SYNPR: variants seen among roughly 807,000 people sequenced by gnomAD.
SYNPR encodes synaptoporin.
In SYNPR, 23 loss-of-function variants were observed where a neutral mutation model predicts 32.9. The observed-to-expected ratio is 0.70, with a 90% CI of 0.50 to 0.99. The LOEUF (loss-of-function observed/expected upper bound fraction) is 0.99, where lower values mean the gene tolerates loss of function less well. Ranked by LOEUF, SYNPR falls within the 50% of genes least tolerant of loss-of-function variation. SYNPR has a pLI of 0.00. For missense variants in SYNPR, 318 were observed against 349.3 expected, an observed-to-expected ratio of 0.91 and a Z score of 0.71; for synonymous variants, 146 against 135.9, an observed-to-expected ratio of 1.07 and a Z score of -0.52.
intron 3 of SYNPR, among the ~76,000 whole-genome samples, chr3:63,509,672 C>T (rs1355738614): frequency 1.3e-5 from 2 of 151,984 alleles, no homozygotes; most frequent in Non-Finnish European, 2.9e-5. Flanking sequence ...CTAATAAAAA[C>T]TAATACTAAT....
chr3:63,614,348 G>T (rs866964201), intron 5 of SYNPR, among the ~76,000 whole-genome samples: 1 of 152,128 alleles, frequency 6.6e-6, no homozygotes. Flanking sequence ...ACTTCTGTTC[G>T]GGCCTCATGC....
chr3:63,321,557 C>G (rs1452059012), intron 2 of SYNPR, among the ~76,000 whole-genome samples: 2 of 152,066 alleles, frequency 1.3e-5, no homozygotes, highest in Non-Finnish European at 2.9e-5. Context: ...TCAATATCCC[C>G]TGTAAATTGG....
chr3:63,350,795 G>A (rs1465123986), intron 2 of SYNPR, among the ~76,000 whole-genome samples: 4 of 152,170 alleles, frequency 2.6e-5, no homozygotes, highest in Non-Finnish European at 5.9e-5. Context: ...TAGCAAACTG[G>A]AGAACCCTTG....
chr3:63,267,390 G>T (rs1425875079), exon 3 of SYNPR: 1 of 152,288 alleles, frequency 6.6e-6, no homozygotes, highest in African/African-American at 2.4e-5. Context: ...ACTTCCAGCT[G>T]CAGAAGGAGT....
At chr3:63,240,618 C>CCTTGGT (rs1422143400) in intron 1 of SYNPR, among the ~76,000 whole-genome samples, 1 of 152,044 alleles carries the variant, frequency 6.6e-6, no homozygotes, top group Non-Finnish European at 1.5e-5. Context: ...GGGACTTATC[C>CCTTGGT]AAGAAGCTAT....
chr3:63,531,574 A>T (rs1702112884), intron 3 of SYNPR, among the ~76,000 whole-genome samples: 2 of 152,162 alleles, frequency 1.3e-5, no homozygotes, highest in African/African-American at 2.4e-5. Context: ...TCGCTTCCAT[A>T]TAAGGTCACA....
intron 2 of SYNPR, among the ~76,000 whole-genome samples, chr3:63,476,321 CAAGGGAAGG>C (rs200088621): frequency 4.0e-5 from 1 of 25,304 alleles, no homozygotes; most frequent in East Asian, 1.7e-3. Context: ...GGGAGGGAAG[CAAGGGAAGG>C]AAGGGAAGGA....
At chr3:63,274,633 G>A (rs1246912537), upstream of SYNPR, among the ~76,000 whole-genome samples, 2 of 152,190 alleles carry the variant, frequency 1.3e-5, no homozygotes, top group East Asian at 3.9e-4. Context: ...CAGGAAACTT[G>A]GCAAGCTGTT....
At chr3:63,207,727 T>C in the SYNPR span, among the ~76,000 whole-genome samples, 2 of 152,128 alleles carry the variant, frequency 1.3e-5, no homozygotes, top group Non-Finnish European at 2.9e-5. Flanking sequence ...CTTCTCGTCT[T>C]TCTAACCCCA....
At chr3:63,544,952 G>A (rs1306496368) in intron 3 of SYNPR, among the ~76,000 whole-genome samples, 1 of 151,152 alleles carries the variant, frequency 6.6e-6, no homozygotes, top group Non-Finnish European at 1.5e-5. Flanking sequence ...CTGAAGCTCA[G>A]AAACACATGA....
chr3:63,316,855 T>C (rs1019494209), intron 2 of SYNPR, among the ~76,000 whole-genome samples: 1 of 151,936 alleles, frequency 6.6e-6, no homozygotes, highest in Non-Finnish European at 1.5e-5. Context: ...CAATCTTTTT[T>C]ATATAGGTGC....
In SYNPR at chr3:63,286,794, A is replaced by ATC. The variant is rs550468654; in HGVS notation, c.84+8055_84+8056dup. On this transcript the variant is annotated intron_variant, in intron 2 of 5. Coordinates refer to ENST00000478300, the MANE Select transcript of SYNPR (RefSeq NM_001130003.2). ...TCCTAACCTGAAAACTGGGGGCAAT[A>ATC]TCTCCTGCCTATAGTGTTGAAAATT... 3.6e-3 allele frequency among the ~76,000 whole-genome samples: 548 copies of ATC among 152,322 alleles called. 1 individual carries two copies. Among genetic ancestry groups the ATC allele is most frequent in the Non-Finnish European group, 5.3e-3 (362 of 68,032 alleles).
At chr3:63,576,257 G>A (rs1158103602) in intron 4 of SYNPR, among the ~76,000 whole-genome samples, 2 of 152,100 alleles carry the variant, frequency 1.3e-5, no homozygotes, top group East Asian at 3.9e-4. Context: ...ATGTTACTTG[G>A]TATTTAACAT....
chr3:63,608,892 G>A (rs958560632), intron 4 of SYNPR, among the ~76,000 whole-genome samples: 2 of 151,932 alleles, frequency 1.3e-5, no homozygotes, highest in East Asian at 3.9e-4. Flanking sequence ...CATCATTCCT[G>A]GGATATAGTA....
At chr3:63,206,961 G>C in the SYNPR span, among the ~76,000 whole-genome samples, 2 of 152,168 alleles carry the variant, frequency 1.3e-5, no homozygotes, top group Admixed American at 1.3e-4. Flanking sequence ...TAGAGAAAAT[G>C]GTTCTGCAGA....
intron 2 of SYNPR, chr3:63,443,301 G>C (rs1417110180): frequency 6.7e-7 from 1 of 1,483,292 alleles, no homozygotes; most frequent in Non-Finnish European, 9.0e-7. Context: ...CTTTCCCTCT[G>C]CATTGATTTT....
At chr3:63,264,108 G>A (rs17067981) in intron 2 of SYNPR, among the ~76,000 whole-genome samples, 2,004 of 152,238 alleles carry the variant, frequency 0.013, 40 homozygotes, top group African/African-American at 0.046. Flanking sequence ...CCAGGCTCCG[G>A]TGATTCTGCT....
chr3:63,560,174 A>G (rs1199009958), intron 4 of SYNPR, among the ~76,000 whole-genome samples: 1 of 152,206 alleles, frequency 6.6e-6, no homozygotes, highest in Admixed American at 6.5e-5. Context: ...TCAAAAAAGA[A>G]AAGTCTCCTA....
chr3:63,313,974 CAT>C (rs59736496), intron 2 of SYNPR, among the ~76,000 whole-genome samples: 6 of 2,124 alleles, frequency 2.8e-3, no homozygotes, highest in African/African-American at 5.1e-3. Flanking sequence ...TATATATATC[CAT>C]ATATATATAT....
Sources: gnomAD v4.1 joint callset for allele counts (sites outside exome capture counted in the v4.1 genomes callset) on GRCh38, gnomAD v4.1.1 for gene constraint, MANE v1.5 for transcripts, NCBI Gene and HGNC (gene_info 2026-07-23, HGNC 2026-07-21) for gene names.